Variants in LRMDA observed in about 807,000 individuals in gnomAD.
LRMDA encodes the protein leucine-rich melanocyte differentiation-associated protein.
A neutral mutation model predicts 29.8 loss-of-function variants in LRMDA; 18 were observed. The observed-to-expected ratio is 0.60, with a 90% CI of 0.42 to 0.90. The LOEUF (loss-of-function observed/expected upper bound fraction) is 0.90. Among genes scored for constraint, LRMDA ranks in the 40% least tolerant of loss-of-function variants. LRMDA has a pLI of 0.00. For synonymous variants in LRMDA, 125 were observed against 109.4 expected (o/e 1.14, Z -0.89); for missense variants, 273 against 273.9 (o/e 1.00, Z 0.02).
At chr10:76,144,472 C>T (rs1276839966) in intron 5 of LRMDA, among the ~76,000 whole-genome samples, 1 of 152,070 alleles carries the variant, frequency 6.6e-6, no homozygotes, top group East Asian at 1.9e-4. Context: ...TGGGAGTTCA[C>T]TCATGATTTG....
chr10:75,702,103 A>T (rs1690774309), intron 2 of LRMDA, among the ~76,000 whole-genome samples: 1 of 152,176 alleles, frequency 6.6e-6, no homozygotes, highest in African/African-American at 2.4e-5. Context: ...GTCTCAGTTT[A>T]AACGTGACTT....
chr10:76,432,137 A>G (rs1286304860), intron 6 of LRMDA, among the ~76,000 whole-genome samples: 1 of 152,142 alleles, frequency 6.6e-6, no homozygotes, highest in Non-Finnish European at 1.5e-5. Context: ...ATTATCTCCA[A>G]ACTTTCCCTT....
chr10:75,733,259 G>A (rs1411148739), intron 2 of LRMDA, among the ~76,000 whole-genome samples: 3 of 152,198 alleles, frequency 2.0e-5, no homozygotes. Context: ...GGTGAGCTCT[G>A]CATCATTGGT....
intron 6 of LRMDA, among the ~76,000 whole-genome samples, chr10:76,327,432 G>A (rs1421699493): frequency 6.6e-6 from 1 of 151,946 alleles, no homozygotes; most frequent in Non-Finnish European, 1.5e-5. Flanking sequence ...CATTCTTCAG[G>A]TATCAGCTTA....
intron 2 of LRMDA, among the ~76,000 whole-genome samples, chr10:75,786,501 A>T (rs1351044010): frequency 6.6e-6 from 1 of 151,984 alleles, no homozygotes; most frequent in East Asian, 1.9e-4. Flanking sequence ...TTTATTGTTC[A>T]TTGGAAATAT....
chr10:76,201,379 C>T (rs1851428744), intron 5 of LRMDA, among the ~76,000 whole-genome samples: 1 of 152,108 alleles, frequency 6.6e-6, no homozygotes, highest in Non-Finnish European at 1.5e-5. Context: ...AGGCGTGAGC[C>T]CCACGCCCGG....
chr10:76,044,696 CTA>C (rs1848400374), intron 3 of LRMDA, among the ~76,000 whole-genome samples: 1 of 152,132 alleles, frequency 6.6e-6, no homozygotes, highest in Non-Finnish European at 1.5e-5. Flanking sequence ...TCTCCAGTCT[CTA>C]TATGAACTCC....
chr10:76,450,831 A>T (rs1842398546), intron 6 of LRMDA, among the ~76,000 whole-genome samples: 1 of 152,174 alleles, frequency 6.6e-6, no homozygotes, highest in South Asian at 2.1e-4. Context: ...TGACACTCTG[A>T]TTCTCTTTTA....
At chr10:75,675,039 C>T (rs1841943415) in intron 2 of LRMDA, among the ~76,000 whole-genome samples, 1 of 152,134 alleles carries the variant, frequency 6.6e-6, no homozygotes, top group South Asian at 2.1e-4. Flanking sequence ...GGTTGGGTTG[C>T]AGGTCTGTGT....
intron 2 of LRMDA, among the ~76,000 whole-genome samples, chr10:75,887,831 C>A (rs1414596167): frequency 1.3e-5 from 2 of 152,166 alleles, no homozygotes; most frequent in African/African-American, 2.4e-5. Context: ...AGAAAATGAA[C>A]TTTAATCACC....
chr10:76,488,952 T>G (rs1210406556), intron 6 of LRMDA, among the ~76,000 whole-genome samples: 1 of 151,920 alleles, frequency 6.6e-6, no homozygotes, highest in Admixed American at 6.6e-5. Flanking sequence ...CCTATAGTTT[T>G]CTGTTTTTGA....
At chr10:75,804,378 C>T (rs1191059277) in intron 2 of LRMDA, among the ~76,000 whole-genome samples, 3 of 152,096 alleles carry the variant, frequency 2.0e-5, no homozygotes, top group South Asian at 4.1e-4. Flanking sequence ...GGTGTCACGG[C>T]GATGTGATTT....
At chr10:76,100,850 C>G (rs1258551022) in intron 5 of LRMDA, among the ~76,000 whole-genome samples, 1 of 152,172 alleles carries the variant, frequency 6.6e-6, no homozygotes, top group African/African-American at 2.4e-5. Context: ...GTCCTGCCCC[C>G]ACTCTTTCTC....
chr10:76,469,941 C>G (rs1842601323), intron 6 of LRMDA, among the ~76,000 whole-genome samples: 1 of 152,028 alleles, frequency 6.6e-6, no homozygotes, highest in Admixed American at 6.6e-5. Flanking sequence ...AATGATTAAA[C>G]CAACAACTTC....
intron 5 of LRMDA, among the ~76,000 whole-genome samples, chr10:76,280,968 A>G (rs1840196024): frequency 6.6e-6 from 1 of 152,168 alleles, no homozygotes; most frequent in African/African-American, 2.4e-5. Flanking sequence ...AAAAATTATA[A>G]TCCCAGGGAT....
chr10:75,918,448 G>T (rs1161043402), intron 2 of LRMDA, among the ~76,000 whole-genome samples: 1 of 152,024 alleles, frequency 6.6e-6, no homozygotes. Context: ...AGGAGCGAGC[G>T]AGAGAGAGGA....
intron 2 of LRMDA, among the ~76,000 whole-genome samples, chr10:75,562,582 C>A (rs1231872734): frequency 6.6e-6 from 1 of 152,044 alleles, no homozygotes; most frequent in Non-Finnish European, 1.5e-5. Flanking sequence ...ATGATGTTAG[C>A]TGGTTATTTT....
chr10:75,635,872 G>A (rs1420910587), intron 2 of LRMDA, among the ~76,000 whole-genome samples: 2 of 151,598 alleles, frequency 1.3e-5, no homozygotes, highest in East Asian at 3.9e-4. Context: ...GGCTCGTACT[G>A]CACCCTGTTT....
intron 2 of LRMDA, among the ~76,000 whole-genome samples, chr10:75,636,111 A>G (rs1020471796): frequency 1.3e-5 from 2 of 152,242 alleles, no homozygotes; most frequent in Non-Finnish European, 2.9e-5. Flanking sequence ...TTTTGTATCC[A>G]TCTACCTATC....
Sources: gnomAD v4.1 joint callset for allele counts (sites outside exome capture counted in the v4.1 genomes callset) on GRCh38, gnomAD v4.1.1 for gene constraint, MANE v1.5 for transcripts, NCBI Gene and HGNC (gene_info 2026-07-23, HGNC 2026-07-21) for gene names.